The following LRRC56 variants were observed in gnomAD, a reference collection of about 807,000 sequenced individuals.
The protein encoded by LRRC56 is leucine-rich repeat-containing protein 56.
Under a neutral mutation model 47.8 loss-of-function variants are expected in LRRC56, and 41 were observed. The observed-to-expected ratio is 0.86, with a 90% confidence interval of 0.67 to 1.11. The LOEUF is 1.11. Ranked by LOEUF, LRRC56 falls within the 50% of genes most tolerant of loss-of-function variation. The pLI, the probability that LRRC56 is intolerant of heterozygous loss-of-function variation, is 0.00. For missense variants in LRRC56, 759 were observed against 704.2 expected, an observed-to-expected ratio of 1.08 and a Z score of -0.88; for synonymous variants, 387 against 311.2, an observed-to-expected ratio of 1.24 and a Z score of -2.56.
the LRRC56 span, among the ~76,000 whole-genome samples, chr11:509,524 C>G: frequency 2.5e-3 from 375 of 152,218 alleles, 1 homozygote; most frequent in African/African-American, 8.6e-3. Context: ...AGTGCGGCCA[C>G]AGCCCCTGAA....
upstream of LRRC56, among the ~76,000 whole-genome samples, chr11:534,962 C>T (rs1851371590): frequency 6.6e-6 from 1 of 152,200 alleles, no homozygotes; most frequent in Admixed American, 6.5e-5. Flanking sequence ...AGGGACTGAG[C>T]GACAGGAAGG....
upstream of LRRC56, among the ~76,000 whole-genome samples, chr11:535,738 G>A (rs925680324): frequency 1.4e-4 from 22 of 152,242 alleles, no homozygotes; most frequent in African/African-American, 5.3e-4. Context: ...AGCCAGTAGG[G>A]CCGCGGCCTC....
intron 6 of LRRC56, 152 bp from the exon 7 acceptor site, chr11:549,750 G>C: frequency 1.6e-6 from 1 of 641,080 alleles, no homozygotes; most frequent in East Asian, 2.7e-5. Context: ...ACCCACACCA[G>C]AGCCAGAAGG....
chr11:507,356 G>C, the LRRC56 span: 6 of 152,246 alleles, frequency 3.9e-5, no homozygotes, highest in East Asian at 1.2e-3. Context: ...CCCGGCGGGC[G>C]GGGCTCGGCT....
At chr11:540,614 C>T (rs548805831) in intron 3 of LRRC56, 60 bp from the exon 4 acceptor site, 19 of 1,475,768 alleles carry the variant, frequency 1.3e-5, no homozygotes, top group African/African-American at 4.2e-5. Flanking sequence ...AGGGTCTCAG[C>T]CGGGCTGCAG....
chr11:532,408 C>A, the LRRC56 span: 1 of 643,714 alleles, frequency 1.6e-6, no homozygotes, highest in Non-Finnish European at 2.7e-6. Flanking sequence ...CCCACGGTCC[C>A]GGGGTGACTG....
intron 6 of LRRC56, among the ~76,000 whole-genome samples, chr11:546,493 A>G (rs1020715819): frequency 2.1e-4 from 32 of 152,112 alleles, no homozygotes; most frequent in Non-Finnish European, 3.7e-4. Context: ...GCGTGAACCC[A>G]GGAGGCGGAG....
rs759905000 is a variant in LRRC56, at chr11:551,307, G to C, written c.796+5G>C. 1 of 1,503,956 alleles carries C rather than the reference G, an allele frequency of 6.6e-7. No homozygotes were observed. 93.2% of individuals were successfully genotyped at this position (1,503,956 alleles called of 1,614,324 possible). On this transcript the variant is annotated splice_donor_5th_base_variant and intron_variant, in intron 9 of 13. Coordinates refer to ENST00000270115, the MANE Select transcript of LRRC56 (RefSeq NM_198075.4). ...GCAACGGCCTTCCCCCGCTGGGTAC[G>C]GCAGCTGCGCCCGGAGGACCCACTG...
chr11:516,901 CTG>C, the LRRC56 span, among the ~76,000 whole-genome samples: 1 of 152,198 alleles, frequency 6.6e-6, no homozygotes, highest in Non-Finnish European at 1.5e-5. Context: ...CGAGGCTGGA[CTG>C]TACTGCTGTG....
the LRRC56 span, among the ~76,000 whole-genome samples, chr11:526,737 G>T: frequency 1.3e-5 from 2 of 151,648 alleles, no homozygotes; most frequent in South Asian, 4.2e-4. Flanking sequence ...AGGAGTTGGA[G>T]ACCAGCCTGG....
Position 540,679 on chromosome 11 carries a change from A to ATGTGAATG in LRRC56, c.-5_3dup. ...CACTGTGCCTCTGTCAGCAGGTGAC[A>ATGTGAATG]TGTGAATGGATCTGGGCTGGGACAG... On this transcript the variant is annotated 5_prime_UTR_variant, in exon 4 of 14. The change creates a new upstream start codon in the 5' untranslated region. Coordinates refer to ENST00000270115, the MANE Select transcript of LRRC56 (RefSeq NM_198075.4). The ATGTGAATG allele has an allele frequency of 6.2e-7, 1 of 1,611,932 alleles. No homozygotes were observed. The highest frequency in any genetic ancestry group is 1.3e-5 in the African/African-American group (1 of 75,002).
Position 541,521 on chromosome 11 carries a change from C to T in LRRC56, c.178-16C>T, listed in dbSNP as rs781601005. On this transcript the variant is annotated splice_polypyrimidine_tract_variant and intron_variant, in intron 4 of 13. Transcript: ENST00000270115. This position sits in a 1 kb window ranked among gnomAD's most constrained non-coding sequence, Gnocchi z 4.1. ...GAGAGCCAGGACCAGCGCTGACCCC[C>T]GGTTGGTTTCTACAGCAGGCCCTGG... 68 of 1,512,508 alleles carry T rather than the reference C, an allele frequency of 4.5e-5. No homozygotes were observed. The highest frequency in any genetic ancestry group is 5.7e-5 in the Non-Finnish European group (64 of 1,117,244). 93.7% of individuals were successfully genotyped at this position (1,512,508 alleles called of 1,614,324 possible).
the LRRC56 span, chr11:532,483 C>G: frequency 8.1e-5 from 85 of 1,047,044 alleles, no homozygotes; most frequent in African/African-American, 1.1e-3. Context: ...CCGTCTGCAC[C>G]TCCTTCCTGC....
At chr11:535,004 G>A (rs545801228), upstream of LRRC56, among the ~76,000 whole-genome samples, 29 of 152,312 alleles carry the variant, frequency 1.9e-4, no homozygotes, top group East Asian at 4.1e-3. Context: ...ACCCGGAGAG[G>A]GAAAAGGCAC....
the LRRC56 span, among the ~76,000 whole-genome samples, chr11:530,493 AGAGAAGGGCGAGTGTGGCG>A: frequency 7.8e-6 from 1 of 128,428 alleles, no homozygotes; most frequent in Admixed American, 7.8e-5. Flanking sequence ...CGTCCCCTGG[AGAGAAGGGCGAGTGTGGCG>A]TCCCCTGGAG....
chr11:526,143 G>C, the LRRC56 span, among the ~76,000 whole-genome samples: 4 of 152,064 alleles, frequency 2.6e-5, no homozygotes, highest in Middle Eastern at 3.4e-3. Context: ...TGAGGCGGAG[G>C]CTACAGTGAG....
chr11:538,938 C>T (rs1309088482), intron 2 of LRRC56, 78 bp downstream of exon 2: 1 of 152,510 alleles, frequency 6.6e-6, no homozygotes, highest in East Asian at 1.9e-4. Context: ...GGAGTGCAGT[C>T]AGGGGATCAG....
intron 4 of LRRC56, 55 bp downstream of exon 4, chr11:540,916 C>G (rs573401119): frequency 7.2e-7 from 1 of 1,380,854 alleles, no homozygotes; most frequent in South Asian, 1.4e-5. Flanking sequence ...GGTGACATCC[C>G]AGGGCTCCTT....
chr11:536,838 C>T (rs1851519730), upstream of LRRC56: 3 of 152,300 alleles, frequency 2.0e-5, no homozygotes, highest in Admixed American at 2.0e-4. Context: ...CCCTCCTGCG[C>T]CGGTCGCTGC....
Sources: gnomAD v4.1 joint callset for allele counts (sites outside exome capture counted in the v4.1 genomes callset) on GRCh38, gnomAD v4.1.1 for gene constraint, Gnocchi (gnomAD v3.1) non-coding constraint, MANE v1.5 for transcripts, NCBI Gene and HGNC (gene_info 2026-07-23, HGNC 2026-07-21) for gene names.